PRLR: variants seen among roughly 807,000 people sequenced by gnomAD.
PRLR encodes the protein hPRL receptor.
In PRLR, 13 loss-of-function variants were observed where a neutral mutation model predicts 40.2. That is an observed-to-expected ratio of 0.32 (90% CI 0.21 to 0.51). The LOEUF (loss-of-function observed/expected upper bound fraction) is 0.51, where lower values mean the gene tolerates loss of function less well. PRLR is among the 20% of genes least tolerant of loss of function. PRLR has a pLI of 0.97. For synonymous variants in PRLR, 269 were observed against 278.7 expected (o/e 0.97, Z 0.35); for missense variants, 656 against 747.3 (o/e 0.88, Z 1.42).
At chr5:35,186,483 A>G (rs1442102864) in intron 1 of PRLR, among the ~76,000 whole-genome samples, 3 of 152,220 alleles carry the variant, frequency 2.0e-5, no homozygotes, top group African/African-American at 7.2e-5. Flanking sequence ...GAGAGATCTT[A>G]GAGGGCATAT....
chr5:35,222,988 T>G (rs766946211), intron 1 of PRLR, among the ~76,000 whole-genome samples: 1 of 152,224 alleles, frequency 6.6e-6, no homozygotes, highest in African/African-American at 2.4e-5. Flanking sequence ...AGATGCCCAT[T>G]GTGCCCCACT....
chr5:35,215,442 T>C (rs996905986), intron 1 of PRLR, among the ~76,000 whole-genome samples: 3 of 152,202 alleles, frequency 2.0e-5, no homozygotes, highest in South Asian at 2.1e-4. Flanking sequence ...GTGAGGATGA[T>C]AGTAATTACT....
intron 1 of PRLR, among the ~76,000 whole-genome samples, chr5:35,160,988 C>T (rs56184463): frequency 0.2 from 30,664 of 152,214 alleles, 3,247 homozygotes; most frequent in Middle Eastern, 0.23. Context: ...TACTGCAGTG[C>T]TGTGGTCTTT....
chr5:35,089,852 G>T (rs763994792), intron 2 of PRLR, among the ~76,000 whole-genome samples, 189 bp from the exon 3 acceptor site: 5 of 152,132 alleles, frequency 3.3e-5, no homozygotes, highest in African/African-American at 1.2e-4. Context: ...ATTCACACAC[G>T]CTGGGAAAAT....
intron 5 of PRLR, among the ~76,000 whole-genome samples, chr5:35,079,274 G>C (rs918893225): frequency 3.3e-5 from 5 of 152,182 alleles, no homozygotes; most frequent in Admixed American, 2.0e-4. Flanking sequence ...AATTGTCCCT[G>C]TTTGCAGATG....
rs138587215 is a variant in PRLR, at chr5:35,085,060, C to T, written c.204-421G>A. On this transcript the variant is annotated intron_variant, in intron 4 of 9. Transcript: ENST00000618457. ...CACAATGCAGCAGCTATTTCACATA[C>T]GTGTTGAATTACTTTTCGTTTTTTA... Among the ~76,000 whole-genome samples, 931 of 152,288 alleles carry T rather than the reference C, an allele frequency of 6.1e-3. 5 individuals carry two copies. The highest frequency in any genetic ancestry group is 0.01 in the Non-Finnish European group (708 of 68,032).
chr5:35,081,961 AG>A, intron 5 of PRLR: 1 of 193,912 alleles, frequency 5.2e-6, no homozygotes. Flanking sequence ...CTGCAGCAAC[AG>A]GGTGGTGGAC....
At chr5:35,099,180 G>T (rs1771707933) in intron 2 of PRLR, among the ~76,000 whole-genome samples, 2 of 152,152 alleles carry the variant, frequency 1.3e-5, no homozygotes, top group Admixed American at 1.3e-4. Flanking sequence ...GTTAGATGAG[G>T]TCAGGTGATG....
At chr5:35,127,766 T>G (rs918981702) in intron 1 of PRLR, among the ~76,000 whole-genome samples, 3 of 152,180 alleles carry the variant, frequency 2.0e-5, no homozygotes, top group Non-Finnish European at 4.4e-5. Flanking sequence ...AGACCCCAGA[T>G]AGCATGATTC....
chr5:35,189,792 A>C (rs1775551081), intron 1 of PRLR, among the ~76,000 whole-genome samples: 2 of 152,122 alleles, frequency 1.3e-5, no homozygotes, highest in Non-Finnish European at 2.9e-5. Flanking sequence ...ATGGATTATG[A>C]AGATTCCTCT....
chr5:35,051,332 T>C (rs974779132), downstream of PRLR, among the ~76,000 whole-genome samples: 2 of 152,228 alleles, frequency 1.3e-5, no homozygotes, highest in Admixed American at 6.5e-5. Flanking sequence ...GTGGGGAAGA[T>C]TTGTGTTTAA....
chr5:35,183,328 A>G (rs936691292), intron 1 of PRLR, among the ~76,000 whole-genome samples: 1 of 152,250 alleles, frequency 6.6e-6, no homozygotes, highest in African/African-American at 2.4e-5. Context: ...TTCTACAGGA[A>G]ACAACATGTA....
At chr5:35,205,246 C>T (rs906037747) in intron 1 of PRLR, among the ~76,000 whole-genome samples, 33 of 152,018 alleles carry the variant, frequency 2.2e-4, no homozygotes, top group Non-Finnish European at 4.0e-4. Context: ...TTCAACTATG[C>T]TAAAAGATAA....
At position 35,065,395 on chromosome 5, in the gene PRLR, T is replaced by A. The variant is rs1317263420; in HGVS notation, c.1563A>T (p.Leu521Phe). ...TCTCTCTCTGTTTTGGTAGCAATGA[T>A]AATGCACCATCTTTGTTGACCTTGT... ...EIHKVNKDGALSLLPKQRENS... is the reference protein window; with the variant it reads ...EIHKVNKDGAFSLLPKQRENS... The change falls in exon 10 of 10, where the codon TTA (leucine) becomes TTT (phenylalanine). Residue 521 changes from leucine (L) to phenylalanine (F), a missense_variant. This residue lies in a region of PRLR where 469 missense variants were observed against 491.5 expected (regional missense o/e 0.95). Transcript: ENST00000618457. The A allele has an allele frequency of 1.9e-6, 3 of 1,614,168 alleles. No individual in the cohort carries two copies. The highest frequency in any genetic ancestry group is 2.5e-6 in the Non-Finnish European group (3 of 1,180,014).
intron 1 of PRLR, among the ~76,000 whole-genome samples, chr5:35,131,905 TAGAA>T (rs935783613): frequency 6.6e-6 from 1 of 152,114 alleles, no homozygotes; most frequent in Non-Finnish European, 1.5e-5. Context: ...CTCTGACCAC[TAGAA>T]AGAGTTTTAA....
chr5:35,096,834 G>T (rs1447783150), intron 2 of PRLR, among the ~76,000 whole-genome samples: 1 of 152,052 alleles, frequency 6.6e-6, no homozygotes. Context: ...TGGCCAGGCT[G>T]GTCTTGAACT....
At chr5:35,180,181 C>T (rs1775257038) in intron 1 of PRLR, among the ~76,000 whole-genome samples, 1 of 152,164 alleles carries the variant, frequency 6.6e-6, no homozygotes, top group Admixed American at 6.5e-5. Flanking sequence ...GGAGGCTGAG[C>T]TCAGGCAGTA....
chr5:35,202,293 T>C (rs73078876), intron 1 of PRLR, among the ~76,000 whole-genome samples: 1,652 of 152,218 alleles, frequency 0.011, 39 homozygotes, highest in African/African-American at 0.038. Flanking sequence ...GAGACCTGAG[T>C]CAAGTCCTCT....
rs146459777 is a variant in PRLR at position 35,065,226 on chromosome 5, C to T, written c.1732G>A (p.Glu578Lys). The T allele has an allele frequency of 3.1e-6, 5 of 1,614,140 alleles. No individual in the cohort carries two copies. The highest frequency in any genetic ancestry group is 2.5e-6 in the Non-Finnish European group (3 of 1,180,014). ...TTCTGTTCAAGTGATGGTGGGGCCT[C>T]TTTGGCTGATTCTTCAAAGCAAGCC... ...NVACFEESAK[E>K]APPSLEQNQA... Residue 578 changes from glutamate to lysine, a missense_variant, in exon 10 of 10, where the codon GAG becomes AAG. Around this residue, in one of 3 missense-constraint regions of PRLR, gnomAD observed 469 missense variants for 491.5 expected, o/e 0.95. Transcript: ENST00000618457.
Sources: gnomAD v4.1 joint callset for allele counts (sites outside exome capture counted in the v4.1 genomes callset) on GRCh38, gnomAD v4.1.1 for gene constraint, gnomAD v4.1.1 regional missense constraint, MANE v1.5 for transcripts, NCBI Gene and HGNC (gene_info 2026-07-23, HGNC 2026-07-21) for gene names.